The following TRMT1L variants were observed in gnomAD, a reference collection of about 807,000 sequenced individuals.
The protein encoded by TRMT1L is tRNA (guanine(27)-N(2))-dimethyltransferase.
In TRMT1L, 28 loss-of-function variants were observed where a neutral mutation model predicts 81.6. The ratio of observed to expected loss-of-function variants is 0.34; its 90% CI spans 0.25 to 0.47. The LOEUF (loss-of-function observed/expected upper bound fraction) is 0.47. Ranked by LOEUF, TRMT1L falls within the 20% of genes least tolerant of loss-of-function variation. The pLI is 1.00. For synonymous variants in TRMT1L, 301 were observed against 303.2 expected (o/e 0.99, Z 0.07); for missense variants, 739 against 877.1 (o/e 0.84, Z 1.99).
intron 1 of TRMT1L, among the ~76,000 whole-genome samples, chr1:185,153,055 G>C (rs1236934548): frequency 6.6e-6 from 1 of 152,162 alleles, no homozygotes; most frequent in Non-Finnish European, 1.5e-5. Context: ...AGTTATGACT[G>C]ATTTCAAACA....
chr1:185,142,287 G>T (rs762751632), intron 7 of TRMT1L, among the ~76,000 whole-genome samples: 4 of 152,124 alleles, frequency 2.6e-5, no homozygotes, highest in Admixed American at 1.3e-4. Context: ...GATAAAGCTG[G>T]GATTTGAACT....
chr1:185,143,311 A>G, intron 7 of TRMT1L, 46 bp downstream of exon 7: 17 of 1,504,682 alleles, frequency 1.1e-5, no homozygotes, highest in Non-Finnish European at 1.5e-5. Context: ...AAATACTGTA[A>G]AATTGAATAA....
chr1:185,135,871 A>T lies in TRMT1L; in HGVS notation c.1513+1735T>A, dbSNP rs191754070. On this transcript the variant is annotated intron_variant, in intron 10 of 14. Transcript: ENST00000367506. ...AGCAAATAAAATACAACAACATATT[A>T]AAAAAAAACCTGACAATAGTTTATT... is the stretch of plus-strand genomic sequence containing the variant. 1.6e-3 allele frequency among the ~76,000 whole-genome samples: 236 copies of T among 151,312 alleles called. 1 individual carries two copies. Among genetic ancestry groups the T allele is most frequent in the African/African-American group, 5.4e-3 (224 of 41,170 alleles).
At chr1:185,152,251 A>C (rs1027711162) in intron 1 of TRMT1L, among the ~76,000 whole-genome samples, 3 of 152,264 alleles carry the variant, frequency 2.0e-5, no homozygotes, top group African/African-American at 7.2e-5. Context: ...ACTTTCAATC[A>C]GGTGGGAGAA....
intron 11 of TRMT1L, among the ~76,000 whole-genome samples, chr1:185,127,362 G>C (rs2102232122): frequency 6.6e-6 from 1 of 152,026 alleles, no homozygotes; most frequent in East Asian, 1.9e-4. Flanking sequence ...TACCATGTAG[G>C]TCAATTTCTA....
In TRMT1L at chr1:185,156,535, C is replaced by A. The variant is rs1571364577; in HGVS notation, c.178G>T (p.Ala60Ser). The change falls in exon 1 of 15, where the codon GCC (alanine) becomes TCC (serine). Residue 60 changes from alanine (A) to serine (S), a missense_variant. Ala to Ser is a moderately conservative substitution (Grantham distance 99, BLOSUM62 1). This residue lies in a region of TRMT1L where 209 missense variants were observed against 165.4 expected (regional missense o/e 1.26). Transcript: ENST00000367506. ...GACGGGGACAGGGCCGGAGCCTGGGCCAGGGCAGGGGCTGGGGCTGGAGCC... is the reference window on the plus strand; with the variant it reads ...GACGGGGACAGGGCCGGAGCCTGGGACAGGGCAGGGGCTGGGGCTGGAGCC... ...ASAPAPAPAL[A>S]QAPALSPSLA... The A allele has an allele frequency of 6.2e-7, 1 of 1,612,342 alleles. No individual in the cohort carries two copies. The highest frequency in any genetic ancestry group is 8.5e-7 in the Non-Finnish European group (1 of 1,179,200).
At chr1:185,131,689 G>A (rs1316991526) in intron 10 of TRMT1L, among the ~76,000 whole-genome samples, 1 of 151,906 alleles carries the variant, frequency 6.6e-6, no homozygotes, top group African/African-American at 2.4e-5. Flanking sequence ...TAAAAATTAA[G>A]GAAAAAGTAT....
Position 185,139,518 on chromosome 1 carries a change from T to A in TRMT1L, c.1171A>T (p.Asn391Tyr), listed in dbSNP as rs1167914468. The change falls in exon 9 of 15, where the codon AAC (asparagine) becomes TAC (tyrosine). Residue 391 changes from asparagine (N) to tyrosine (Y), a missense_variant. Transcript: ENST00000367506. ...GAAGTCACTGACACTATGCCAAGGT[T>A]TCTTATATTTCTGAATGCAGAATCT... Reference protein sequence around the residue: ...YLDSAFRNIRNLGIVSVTSTD... With the variant: ...YLDSAFRNIRYLGIVSVTSTD... The A allele has an allele frequency of 6.2e-7, 1 of 1,614,032 alleles. No homozygotes were observed. The highest frequency in any genetic ancestry group is 8.5e-7 in the Non-Finnish European group (1 of 1,180,002).
At chr1:185,145,680 T>A in intron 4 of TRMT1L, 112 bp from the exon 5 acceptor site, 1 of 1,037,990 alleles carries the variant, frequency 9.6e-7, no homozygotes, top group Non-Finnish European at 1.4e-6. Flanking sequence ...AGAAGATAAT[T>A]TTAATTTTGC....
rs188790645 is a variant in TRMT1L at position 185,153,187 on chromosome 1, T to C, written c.236-1252A>G. 1.9e-3 allele frequency among the ~76,000 whole-genome samples: 286 copies of C among 152,306 alleles called. 1 individual carries two copies. Among genetic ancestry groups the C allele is most frequent in the African/African-American group, 6.7e-3 (280 of 41,562 alleles). ...ATGCATTTTCAGGTTTCTCAAGCATTACACACTCTTCAAATTAAATTAAAT... is the reference window on the plus strand; with the variant it reads ...ATGCATTTTCAGGTTTCTCAAGCATCACACACTCTTCAAATTAAATTAAAT... On this transcript the variant is annotated intron_variant, in intron 1 of 14. Coordinates refer to ENST00000367506, the MANE Select transcript of TRMT1L (RefSeq NM_030934.5).
At position 185,119,909 on chromosome 1, in the gene TRMT1L, T is replaced by G. The variant is rs1652455155; in HGVS notation, c.*110A>C. On this transcript the variant is annotated 3_prime_UTR_variant, in exon 15 of 15. Coordinates refer to ENST00000367506, the MANE Select transcript of TRMT1L (RefSeq NM_030934.5). ...CAGTTTCTGAATGAAAATGACACTG[T>G]TTTTTATTTTTACTCTACTGAATTG... 1.6e-6 allele frequency: 2 copies of G among 1,264,130 alleles called. No homozygotes were observed. The highest frequency in any genetic ancestry group is 3.0e-5 in the African/African-American group (2 of 67,118). 78.3% of individuals were successfully genotyped at this position (1,264,130 alleles called of 1,614,324 possible). A position where few individuals can be genotyped will look rare whatever the true frequency, so the allele number is the denominator to read the frequency against.
intron 11 of TRMT1L, among the ~76,000 whole-genome samples, chr1:185,126,217 A>G (rs1231125553): frequency 6.6e-6 from 1 of 152,126 alleles, no homozygotes; most frequent in African/African-American, 2.4e-5. Flanking sequence ...AGATGTCTGC[A>G]ACTGTGCTGG....
rs376868030 is a variant in TRMT1L at position 185,143,480 on chromosome 1, C to A, written c.780-44G>T. On this transcript the variant is annotated intron_variant, in intron 6 of 14. Transcript: ENST00000367506. The stretch of plus-strand genomic sequence containing the variant: ...CTGAAATAACTTTACCATGGCTTCA[C>A]CATCATAGATTTTATTTCATTTAAG... 55 of 1,528,470 alleles carry A rather than the reference C, an allele frequency of 3.6e-5. 1 individual carries two copies. The South Asian group carries it at 6.2e-4, about 17-fold the overall frequency. The allele number at this position is 1,528,470 out of a possible 1,614,324, so 94.7% of individuals were successfully genotyped here. A position where few individuals can be genotyped will look rare whatever the true frequency, so the allele number is the denominator to read the frequency against.
intron 10 of TRMT1L, among the ~76,000 whole-genome samples, chr1:185,136,746 T>C (rs1443531778): frequency 2.0e-5 from 3 of 152,146 alleles, no homozygotes; most frequent in South Asian, 2.1e-4. Flanking sequence ...AACAGTATGA[T>C]AGACGTGTAT....
upstream of TRMT1L, chr1:185,156,972 G>C: frequency 1.9e-6 from 1 of 535,406 alleles, no homozygotes; most frequent in Non-Finnish European, 3.3e-6. Flanking sequence ...CACAAACTGC[G>C]CAGAAGCGTA....
In TRMT1L at chr1:185,156,767, G is replaced by C. The variant is rs1653613064; in HGVS notation, c.-55C>G. 1.2e-6 allele frequency: 2 copies of C among 1,603,770 alleles called. No homozygotes were observed. Among genetic ancestry groups the C allele is most frequent in the African/African-American group, 1.3e-5 (1 of 74,702 alleles). ...GGGACCCGGAGCGGGGCTCACGGCG[G>C]GGTCAGAGAACTGACGTGAATGCCC... On this transcript the variant is annotated 5_prime_UTR_variant, in exon 1 of 15. Transcript: ENST00000367506.
At position 185,156,905 on chromosome 1, in the gene TRMT1L, A is replaced by T; in HGVS notation, c.-193T>A. ...CTGTTAGTAGAAAACAGAAAGCCAG[A>T]GGCAGCGATTCCAGATGCCCGTCCG... On this transcript the variant is annotated 5_prime_UTR_variant, in exon 1 of 15. Transcript: ENST00000367506. 2.6e-6 allele frequency: 2 copies of T among 758,934 alleles called. No homozygotes were observed. The highest frequency in any genetic ancestry group is 3.6e-5 in the Admixed American group (1 of 28,060). 47.0% of individuals were successfully genotyped at this position (758,934 alleles called of 1,614,324 possible). A position where few individuals can be genotyped will look rare whatever the true frequency, so the allele number is the denominator to read the frequency against.
intron 10 of TRMT1L, among the ~76,000 whole-genome samples, chr1:185,129,157 A>G (rs1178130946): frequency 6.6e-6 from 1 of 152,146 alleles, no homozygotes. Context: ...AGTTTACAAG[A>G]GATCCATATT....
intron 4 of TRMT1L, among the ~76,000 whole-genome samples, chr1:185,146,432 C>T (rs1653190524): frequency 6.6e-6 from 1 of 151,958 alleles, no homozygotes; most frequent in Non-Finnish European, 1.5e-5. Context: ...TTTACTTGGA[C>T]CCTTACAGCA....
Sources: gnomAD v4.1 joint callset for allele counts (sites outside exome capture counted in the v4.1 genomes callset) on GRCh38, gnomAD v4.1.1 for gene constraint, gnomAD v4.1.1 regional missense constraint, MANE v1.5 for transcripts, NCBI Gene and HGNC (gene_info 2026-07-23, HGNC 2026-07-21) for gene names.